The following NMD3 variants were observed in gnomAD, a reference collection of about 807,000 sequenced individuals.
NMD3 encodes NMD3 ribosome export adaptor.
In NMD3, 47 loss-of-function variants were observed where a neutral mutation model predicts 73.1. The ratio of observed to expected loss-of-function variants is 0.64; its 90% CI spans 0.51 to 0.82. The LOEUF (loss-of-function observed/expected upper bound fraction) is 0.82. Among genes scored for constraint, NMD3 ranks in the 40% least tolerant of loss-of-function variants. The pLI is 0.00. For missense variants in NMD3, 554 were observed against 612.5 expected (o/e 0.90, Z 1.01); for synonymous variants, 210 against 194.5 (o/e 1.08, Z -0.66).
chr3:161,244,188 T>G (rs1737102633), intron 11 of NMD3, among the ~76,000 whole-genome samples: 1 of 152,206 alleles, frequency 6.6e-6, no homozygotes, highest in Admixed American at 6.5e-5. Context: ...TGGAGTGCGG[T>G]ATGGCTTCAT....
In NMD3 at chr3:161,246,443, G is replaced by A. The variant is rs772898438; in HGVS notation, c.1125G>A (p.Val375=). The part of the protein sequence containing the change: ...LGHLLNPGDL[V]LGFDLANCNL... ...ATCTTCTAAATCCCGGAGACCTGGTGTTAGGGTTTGTATTATTTCATATTT... is the reference window on the plus strand; with the variant it reads ...ATCTTCTAAATCCCGGAGACCTGGTATTAGGGTTTGTATTATTTCATATTT... The change falls in exon 12 of 16, where the codon GTG becomes GTA. Residue 375 remains valine (V), a synonymous_variant. Transcript: ENST00000351193. 4 of 1,405,406 alleles carry A rather than the reference G, an allele frequency of 2.8e-6. No homozygotes were observed. The African/African-American group carries it at 5.6e-5, about 20-fold the overall frequency. The allele number at this position is 1,405,406 out of a possible 1,614,324, so 87.1% of individuals were successfully genotyped here. A position where few individuals can be genotyped will look rare whatever the true frequency, so the allele number is the denominator to read the frequency against.
chr3:161,249,981 A>G (rs1050269898), intron 14 of NMD3, among the ~76,000 whole-genome samples: 1 of 152,192 alleles, frequency 6.6e-6, no homozygotes, highest in African/African-American at 2.4e-5. Flanking sequence ...GATAAAAAGG[A>G]AACAGCTCAT....
chr3:161,252,863 C>T (rs1252396628), downstream of NMD3: 2 of 685,812 alleles, frequency 2.9e-6, no homozygotes, highest in Non-Finnish European at 5.3e-6. Flanking sequence ...CTTTGGGAGG[C>T]TGAGGAGGGC....
rs376329329 is a variant in NMD3 at position 161,221,958 on chromosome 3, CT to C, written c.-20-6del. The C allele has an allele frequency of 8.7e-3, 7,503 of 862,486 alleles. 7 individuals are homozygous for C. Among genetic ancestry groups the C allele is most frequent in the Non-Finnish European group, 0.01 (5,946 of 591,738 alleles). 53.4% of individuals were successfully genotyped at this position (862,486 alleles called of 1,614,324 possible). On this transcript the variant is annotated intron_variant, in intron 1 of 15. Transcript: ENST00000351193. ...AAAGTGATTTAAATCCCAACATTCT[CT>C]TTTTTTTTTTTTTTTTTTTTTTTTT...
intron 3 of NMD3, 84 bp downstream of exon 3, chr3:161,225,148 G>A (rs1259767959): frequency 1.4e-6 from 2 of 1,396,172 alleles, no homozygotes; most frequent in African/African-American, 1.5e-5. Flanking sequence ...TTACACGAAG[G>A]TATATGGAGT....
intron 9 of NMD3, among the ~76,000 whole-genome samples, chr3:161,240,544 A>ATTTTTTTTTTTT (rs1736932279): frequency 3.9e-5 from 1 of 25,452 alleles, no homozygotes; most frequent in Admixed American, 5.1e-4. Context: ...TTTTTTTTTG[A>ATTTTTTTTTTTT]GAGACAGTTT....
intron 5 of NMD3, among the ~76,000 whole-genome samples, chr3:161,234,272 C>T (rs1736654849): frequency 6.6e-6 from 1 of 151,802 alleles, no homozygotes; most frequent in Non-Finnish European, 1.5e-5. Context: ...GAGACCCCAT[C>T]TCTACTAAAA....
chr3:161,251,988 TAA>T lies in NMD3; in HGVS notation c.*1080_*1081del, dbSNP rs1176686285. On this transcript the variant is annotated 3_prime_UTR_variant, in exon 16 of 16. Transcript: ENST00000351193. Reference sequence around the variant, plus strand: ...CATTCATTCCATGTGTGCCACTAAATAAAGAGATTGAGCAAGTGCCACTGTGT... The same window carrying T: ...CATTCATTCCATGTGTGCCACTAAATAGAGATTGAGCAAGTGCCACTGTGT... 6.6e-6 allele frequency: 1 copy of T among 152,234 alleles called. No homozygotes were observed. The highest frequency in any genetic ancestry group is 2.4e-5 in the African/African-American group (1 of 41,462). The allele number at this position is 152,234 out of a possible 1,614,324, so 9.4% of individuals were successfully genotyped here. A position where few individuals can be genotyped will look rare whatever the true frequency, so the allele number is the denominator to read the frequency against.
intron 12 of NMD3, among the ~76,000 whole-genome samples, chr3:161,246,933 GT>G (rs148001688): frequency 1.0e-4 from 15 of 149,712 alleles, no homozygotes; most frequent in South Asian, 2.1e-4. Context: ...AGAATGAGGT[GT>G]TTTTTTTTTG....
downstream of NMD3, chr3:161,253,419 C>T (rs1197828503): frequency 1.3e-5 from 2 of 152,042 alleles, no homozygotes; most frequent in Non-Finnish European, 2.9e-5. Context: ...GCAAGTATTC[C>T]CGGATACCAT....
Position 161,234,807 on chromosome 3 carries a change from A to G in NMD3, c.438A>G (p.Arg146=), listed in dbSNP as rs547280522. ...CCCAAATGTGTGGAGATTGCCATAG[A>G]GTAGAAGCTAAGGATTTCTGGAAGG... ...VQSQMCGDCH[R]VEAKDFWKAV... Residue 146 remains arginine (R), a synonymous_variant, in exon 6 of 16, where the codon AGA becomes AGG. Transcript: ENST00000351193. 182 of 1,613,408 alleles carry G rather than the reference A, an allele frequency of 1.1e-4. 1 individual carries two copies. The South Asian group carries it at 2.0e-3, about 17-fold the overall frequency.
At chr3:161,242,718 C>T in intron 11 of NMD3, 65 bp downstream of exon 11, 1 of 1,478,612 alleles carries the variant, frequency 6.8e-7, no homozygotes, top group Non-Finnish European at 9.1e-7. Context: ...TTCAGTCCCT[C>T]TTTTAAAAAA....
At chr3:161,234,567 A>T (rs887965050) in intron 5 of NMD3, among the ~76,000 whole-genome samples, 160 bp from the exon 6 acceptor site, 3 of 152,100 alleles carry the variant, frequency 2.0e-5, no homozygotes, top group African/African-American at 7.2e-5. Flanking sequence ...TTGAAATAGT[A>T]TAACTTGTTT....
chr3:161,228,063 TA>T (rs60657876), intron 4 of NMD3, among the ~76,000 whole-genome samples: 44 of 151,986 alleles, frequency 2.9e-4, no homozygotes, highest in African/African-American at 1.0e-3. Flanking sequence ...ATAAATGTAT[TA>T]AAAAAAATAG....
intron 14 of NMD3, 79 bp from the exon 15 acceptor site, chr3:161,250,177 G>A: frequency 1.3e-6 from 1 of 774,366 alleles, no homozygotes; most frequent in South Asian, 1.6e-5. Context: ...TGTCTACATA[G>A]TCCTTAAAAT....
chr3:161,225,866 G>C (rs1024094020), intron 3 of NMD3, among the ~76,000 whole-genome samples: 2 of 151,968 alleles, frequency 1.3e-5, no homozygotes, highest in Non-Finnish European at 2.9e-5. Flanking sequence ...ATATGTGTGT[G>C]TGTGTATATA....
rs771044270 is a variant in NMD3 at position 161,235,218 on chromosome 3, T to TTAAA, written c.577+7_577+10dup. 3 of 1,374,344 alleles carry TTAAA rather than the reference T, an allele frequency of 2.2e-6. No homozygotes were observed. The South Asian group carries it at 3.9e-5, about 18-fold the overall frequency. 85.1% of individuals were successfully genotyped at this position (1,374,344 alleles called of 1,614,324 possible). On this transcript the variant is annotated splice_region_variant and intron_variant, in intron 7 of 15. Coordinates refer to ENST00000351193, the MANE Select transcript of NMD3 (RefSeq NM_015938.5). Reference sequence around the variant, plus strand: ...TCGTATCAAAGAGATTCATGGTGAGTTAAAACTCAAAAGCATTTGAAATTA... The same window carrying TTAAA: ...TCGTATCAAAGAGATTCATGGTGAGTTAAATAAAACTCAAAAGCATTTGAAATTA...
chr3:161,231,143 T>C (rs900967882), intron 4 of NMD3, among the ~76,000 whole-genome samples: 1 of 152,122 alleles, frequency 6.6e-6, no homozygotes, highest in Non-Finnish European at 1.5e-5. Context: ...GGAAATTGAG[T>C]GTGTACATGA....
At chr3:161,240,484 A>C (rs1000351003) in intron 9 of NMD3, among the ~76,000 whole-genome samples, 3 of 151,690 alleles carry the variant, frequency 2.0e-5, no homozygotes, top group Non-Finnish European at 4.4e-5. Flanking sequence ...TTCACACTGC[A>C]ATAAAATGGA....
Sources: gnomAD v4.1 joint callset for allele counts (sites outside exome capture counted in the v4.1 genomes callset) on GRCh38, gnomAD v4.1.1 for gene constraint, MANE v1.5 for transcripts, NCBI Gene and HGNC (gene_info 2026-07-23, HGNC 2026-07-21) for gene names.